NDST3: variants seen among roughly 807,000 people sequenced by gnomAD.
NDST3 encodes the protein N-deacetylase and N-sulfotransferase 3, also known as bifunctional heparan sulfate N-deacetylase/N-sulfotransferase 3.
NDST3 carries 58 observed loss-of-function variants against 96.1 expected under a neutral mutation model. That is an observed-to-expected ratio of 0.60 (90% CI 0.49 to 0.75). The LOEUF (loss-of-function observed/expected upper bound fraction) is 0.75, where lower values mean the gene tolerates loss of function less well. Ranked by LOEUF, NDST3 falls within the 30% of genes least tolerant of loss-of-function variation. The pLI is 0.00. For synonymous variants in NDST3, 333 were observed against 359.7 expected, an observed-to-expected ratio of 0.93 and a Z score of 0.84; for missense variants, 788 against 1,034.2, an observed-to-expected ratio of 0.76 and a Z score of 3.27.
intron 6 of NDST3, among the ~76,000 whole-genome samples, chr4:118,219,783 A>G (rs1398845543): frequency 6.6e-6 from 1 of 152,106 alleles, no homozygotes; most frequent in Non-Finnish European, 1.5e-5. Flanking sequence ...TTTGCAGTAA[A>G]TCCACTACAA....
At chr4:118,079,261 T>C (rs940954528) in intron 2 of NDST3, among the ~76,000 whole-genome samples, 3 of 152,086 alleles carry the variant, frequency 2.0e-5, no homozygotes, top group South Asian at 4.1e-4. Flanking sequence ...AATAATCTTA[T>C]AGGAATAAGA....
intron 6 of NDST3, chr4:118,193,601 G>A: frequency 4.2e-6 from 5 of 1,199,264 alleles, no homozygotes; most frequent in Non-Finnish European, 6.2e-6. Context: ...CTGGCACACA[G>A]CCAGCTGGGC....
chr4:118,167,478 A>G (rs1157885121), intron 6 of NDST3, among the ~76,000 whole-genome samples: 1 of 152,012 alleles, frequency 6.6e-6, no homozygotes, highest in Non-Finnish European at 1.5e-5. Flanking sequence ...TAAAATGTCC[A>G]TACTACTCAA....
intron 6 of NDST3, among the ~76,000 whole-genome samples, chr4:118,156,165 C>A (rs531766490): frequency 2.6e-5 from 4 of 152,210 alleles, no homozygotes; most frequent in Admixed American, 2.0e-4. Context: ...TTTCACTCCA[C>A]CCATACAGAA....
intron 1 of NDST3, among the ~76,000 whole-genome samples, chr4:118,041,820 G>T (rs922832043): frequency 1.3e-5 from 2 of 152,004 alleles, no homozygotes; most frequent in African/African-American, 4.8e-5. Flanking sequence ...ATTTCTTTTT[G>T]AAAAATTTGA....
At chr4:118,064,200 T>C (rs1726124409) in intron 2 of NDST3, among the ~76,000 whole-genome samples, 1 of 152,184 alleles carries the variant, frequency 6.6e-6, no homozygotes, top group Non-Finnish European at 1.5e-5. Flanking sequence ...TATCTGTATG[T>C]ACTCAGATTT....
intron 6 of NDST3, among the ~76,000 whole-genome samples, chr4:118,155,339 G>T (rs1044290121): frequency 1.3e-5 from 2 of 152,148 alleles, no homozygotes; most frequent in African/African-American, 4.8e-5. Flanking sequence ...GTCTATGTGG[G>T]TTTTCTCCTG....
chr4:118,237,650 A>C (rs1740730546), intron 10 of NDST3, among the ~76,000 whole-genome samples: 1 of 152,154 alleles, frequency 6.6e-6, no homozygotes, highest in Non-Finnish European at 1.5e-5. Flanking sequence ...CTACCATTGT[A>C]TTTCGAAAGC....
chr4:118,240,662 G>T lies in NDST3; in HGVS notation c.2257G>T (p.Glu753Ter). 6.2e-7 allele frequency: 1 copy of T among 1,613,632 alleles called. No individual in the cohort carries two copies. The highest frequency in any genetic ancestry group is 8.5e-7 in the Non-Finnish European group (1 of 1,179,764). The change falls in exon 11 of 14, where the codon GAG becomes TAG. Residue 753 changes from glutamate (E) to a stop codon, truncating the protein, a stop_gained. Transcript: ENST00000296499. LOFTEE classifies it high-confidence loss of function. ...LVPGWYASHI[E>*]RWLVYFPPFQ... ...CCCGGGGTGGTATGCCAGCCACATC[G>T]AGAGATGGCTTGTTTATTTCCCCCC...
chr4:118,199,637 G>C (rs764160428), intron 6 of NDST3, among the ~76,000 whole-genome samples: 15 of 152,054 alleles, frequency 9.9e-5, no homozygotes, highest in Admixed American at 2.6e-4. Flanking sequence ...ATTTGTGTCT[G>C]GCCATTGAAG....
intron 6 of NDST3, among the ~76,000 whole-genome samples, chr4:118,167,798 T>C (rs1486565867): frequency 6.6e-6 from 1 of 151,934 alleles, no homozygotes; most frequent in Non-Finnish European, 1.5e-5. Flanking sequence ...GCATCAAGAA[T>C]ACCCAATGAG....
chr4:118,187,151 T>C (rs1345835232), intron 6 of NDST3, among the ~76,000 whole-genome samples: 1 of 152,212 alleles, frequency 6.6e-6, no homozygotes, highest in Admixed American at 6.5e-5. Flanking sequence ...AATGAATCTC[T>C]ATAATACCCA....
chr4:118,209,052 A>G (rs560000938), intron 6 of NDST3, among the ~76,000 whole-genome samples: 1 of 152,236 alleles, frequency 6.6e-6, no homozygotes, highest in South Asian at 2.1e-4. Flanking sequence ...TCAAATTTTC[A>G]TGTAGGTCAA....
chr4:118,216,034 C>T (rs1207886106), intron 6 of NDST3, among the ~76,000 whole-genome samples: 2 of 152,094 alleles, frequency 1.3e-5, no homozygotes, highest in South Asian at 2.1e-4. Context: ...TATGCTTATG[C>T]GCTATGAATA....
chr4:118,204,760 A>G lies in NDST3; in HGVS notation c.1540-19731A>G, dbSNP rs893742658. On this transcript the variant is annotated intron_variant, in intron 6 of 13. Transcript: ENST00000296499. ...TGTGAATATAAATATAAATCTATCT[A>G]TATATATTCTCTAAGATATTGGCAC... Among the ~76,000 whole-genome samples, 12 of 144,806 alleles carry G rather than the reference A, an allele frequency of 8.3e-5. 2 individuals carry two copies. Among genetic ancestry groups the G allele is most frequent in the South Asian group, 6.9e-4 (3 of 4,318 alleles). The allele number at this position is 144,806 out of a possible 152,430, so 95.0% of individuals were successfully genotyped here.
intron 1 of NDST3, 97 bp from the exon 2 acceptor site, chr4:118,053,659 T>A: frequency 2.8e-6 from 1 of 359,392 alleles, no homozygotes; most frequent in East Asian, 5.0e-5. Flanking sequence ...CCAGTTCATC[T>A]GCCAAGTACT....
chr4:118,136,806 A>G (rs967750647), intron 4 of NDST3, among the ~76,000 whole-genome samples: 1 of 152,156 alleles, frequency 6.6e-6, no homozygotes, highest in African/African-American at 2.4e-5. Flanking sequence ...GACAGTGTGT[A>G]CAGTATACAG....
At chr4:118,224,468 T>C (rs922337885) in intron 6 of NDST3, 23 bp from the exon 7 acceptor site, 42 of 1,584,982 alleles carry the variant, frequency 2.6e-5, no homozygotes, top group Non-Finnish European at 3.4e-5. Flanking sequence ...TTATTTACAC[T>C]GAAGTTCATT....
intron 6 of NDST3, among the ~76,000 whole-genome samples, chr4:118,217,879 C>T (rs1739290290): frequency 1.3e-5 from 2 of 152,054 alleles, no homozygotes; most frequent in African/African-American, 4.8e-5. Flanking sequence ...ACTGACCCCA[C>T]AGAAATAAAA....
Sources: allele counts gnomAD v4.1 joint callset (sites outside exome capture counted in the v4.1 genomes callset), GRCh38; gene constraint gnomAD v4.1.1; transcripts MANE v1.5; gene names NCBI Gene and HGNC (gene_info 2026-07-23, HGNC 2026-07-21).